COX10: variants seen among roughly 807,000 people sequenced by gnomAD.
The protein encoded by COX10 is cytochrome c oxidase assembly factor heme A:farnesyltransferase COX10, also known as protoheme IX farnesyltransferase, mitochondrial.
Under a neutral mutation model 37.3 loss-of-function variants are expected in COX10, and 27 were observed. The observed-to-expected ratio is 0.72, with a 90% CI of 0.53 to 1.00. The LOEUF (loss-of-function observed/expected upper bound fraction) is 1.00, where lower values mean the gene tolerates loss of function less well. COX10 is among the 50% of genes least tolerant of loss of function. COX10 has a pLI of 0.00. For missense variants in COX10, 475 were observed against 563.2 expected (o/e 0.84, Z 1.59); for synonymous variants, 222 against 229.1 (o/e 0.97, Z 0.28).
rs533936819 is a variant in COX10, at chr17:14,158,342, A to G, written c.625-1535A>G. 2.1e-4 allele frequency among the ~76,000 whole-genome samples: 32 copies of G among 151,948 alleles called. No homozygotes were observed. In the South Asian group the frequency reaches 2.3e-3, roughly 11 times the overall value. The stretch of plus-strand genomic sequence containing the variant: ...GGGAACACAACTTACCAGATGTCCC[A>G]AACTTATGGGGAAAAATTCTACATT... On this transcript the variant is annotated intron_variant, in intron 4 of 6. Transcript: ENST00000261643.
chr17:14,138,373 C>G (rs758150797), intron 4 of COX10, among the ~76,000 whole-genome samples: 5 of 152,146 alleles, frequency 3.3e-5, no homozygotes, highest in Admixed American at 6.6e-5. Context: ...GAAACTGTAT[C>G]TGGTACATTA....
At chr17:14,084,856 C>T (rs975423880) in intron 3 of COX10, among the ~76,000 whole-genome samples, 18 of 152,116 alleles carry the variant, frequency 1.2e-4, no homozygotes, top group East Asian at 5.8e-4. Context: ...GACGGGGTTT[C>T]GCCATGTTGG....
intron 1 of COX10, among the ~76,000 whole-genome samples, chr17:14,073,412 G>C (rs957869446): frequency 1.3e-5 from 2 of 152,130 alleles, no homozygotes; most frequent in African/African-American, 4.8e-5. Context: ...GTACAATAGG[G>C]AACAGAGTAG....
intron 6 of COX10, among the ~76,000 whole-genome samples, chr17:14,205,149 T>C (rs1020973671): frequency 6.6e-6 from 1 of 152,170 alleles, no homozygotes; most frequent in African/African-American, 2.4e-5. Context: ...CTTCCTTTTT[T>C]TTTAATCATG....
chr17:14,128,029 A>T (rs1362158770), intron 4 of COX10, among the ~76,000 whole-genome samples: 1 of 151,734 alleles, frequency 6.6e-6, no homozygotes, highest in Non-Finnish European at 1.5e-5. Flanking sequence ...TTTGTTGCAG[A>T]TGCTGCATAT....
intron 4 of COX10, among the ~76,000 whole-genome samples, chr17:14,150,837 G>C (rs534491297): frequency 6.6e-6 from 1 of 152,226 alleles, no homozygotes; most frequent in East Asian, 1.9e-4. Flanking sequence ...AGCTTGACCT[G>C]GACAGCTGCC....
chr17:14,077,112 A>G, intron 3 of COX10, 56 bp downstream of exon 3: 1 of 1,556,350 alleles, frequency 6.4e-7, no homozygotes, highest in Non-Finnish European at 8.8e-7. Flanking sequence ...TAGTGAAACA[A>G]AAAGCTAATT....
intron 4 of COX10, among the ~76,000 whole-genome samples, chr17:14,135,432 A>C (rs1172537656): frequency 1.3e-5 from 2 of 151,892 alleles, no homozygotes; most frequent in Non-Finnish European, 2.9e-5. Context: ...GTGTATAAAG[A>C]ATCACCTGGG....
chr17:14,191,979 C>CT lies in COX10; in HGVS notation c.696-5dup. 1 of 1,613,614 alleles carries CT rather than the reference C, an allele frequency of 6.2e-7. No individual in the cohort carries two copies. The highest frequency in any genetic ancestry group is 8.5e-7 in the Non-Finnish European group (1 of 1,179,602). On this transcript the variant is annotated splice_polypyrimidine_tract_variant and intron_variant, in intron 5 of 6. Coordinates refer to ENST00000261643, the MANE Select transcript of COX10 (RefSeq NM_001303.4). ...AGATGATCACTCCAGGTTCTCTGCT[C>CT]TTTTTCCAGCCCATTGCTAGCTGTG...
chr17:14,186,196 A>C (rs1906020657), intron 5 of COX10, among the ~76,000 whole-genome samples: 1 of 151,404 alleles, frequency 6.6e-6, no homozygotes, highest in Admixed American at 6.6e-5. Flanking sequence ...CTTCTAAAAA[A>C]GCAGATCTGA....
chr17:14,132,198 T>C (rs1916482743), intron 4 of COX10, among the ~76,000 whole-genome samples: 1 of 151,996 alleles, frequency 6.6e-6, no homozygotes, highest in Non-Finnish European at 1.5e-5. Flanking sequence ...GGTTTAAGTT[T>C]ACACCATTTT....
intron 5 of COX10, among the ~76,000 whole-genome samples, chr17:14,182,774 C>G (rs1905906321): frequency 6.6e-6 from 1 of 151,498 alleles, no homozygotes; most frequent in Non-Finnish European, 1.5e-5. Flanking sequence ...TTTGTCTAAA[C>G]TAATTACCTG....
At chr17:14,133,525 A>G (rs888693865) in intron 4 of COX10, among the ~76,000 whole-genome samples, 2 of 151,714 alleles carry the variant, frequency 1.3e-5, no homozygotes, top group Non-Finnish European at 3.0e-5. Flanking sequence ...AAATTAATTA[A>G]CAAACATGAT....
rs201635369 is a variant in COX10, at chr17:14,158,234, TA to T, written c.625-1633del. On this transcript the variant is annotated intron_variant, in intron 4 of 6. Coordinates refer to ENST00000261643, the MANE Select transcript of COX10 (RefSeq NM_001303.4). ...TGTGTTTAGGAATACTAAGACATCG[TA>T]AAAAAAAAATTAAAAGTAGGTAGTT... 1.1e-4 allele frequency among the ~76,000 whole-genome samples: 16 copies of T among 149,282 alleles called. No homozygotes were observed. In the East Asian group the frequency reaches 1.8e-3, roughly 16 times the overall value.
intron 4 of COX10, among the ~76,000 whole-genome samples, chr17:14,140,913 A>G (rs1455100486): frequency 6.6e-6 from 1 of 152,190 alleles, no homozygotes; most frequent in Non-Finnish European, 1.5e-5. Flanking sequence ...ATGATAAATG[A>G]TTAAGGAAAT....
chr17:14,118,694 G>A (rs1916166024), intron 4 of COX10, among the ~76,000 whole-genome samples: 1 of 152,052 alleles, frequency 6.6e-6, no homozygotes, highest in Admixed American at 6.6e-5. Flanking sequence ...TTTATAAAAT[G>A]CTACTTTTTT....
intron 5 of COX10, among the ~76,000 whole-genome samples, chr17:14,191,322 A>G (rs950656986): frequency 1.4e-5 from 2 of 147,762 alleles, no homozygotes; most frequent in Non-Finnish European, 3.0e-5. Context: ...TCCCGTGTGC[A>G]TAAGTCACGT....
rs74770049 is a variant in COX10 at position 14,162,070 on chromosome 17, T to C, written c.695+2123T>C. Among the ~76,000 whole-genome samples the C allele has an allele frequency of 8.7e-3, 1,324 of 152,270 alleles. 58 individuals carry two copies. In the East Asian group the frequency reaches 0.094, roughly 11 times the overall value. ...TATTGTTCCCTCTAAAAAAAGACTA[T>C]GATAAGTTAAGTGTATGAGGCTACC... On this transcript the variant is annotated intron_variant, in intron 5 of 6. Coordinates refer to ENST00000261643, the MANE Select transcript of COX10 (RefSeq NM_001303.4).
At position 14,078,379 on chromosome 17, in the gene COX10, G is replaced by C. The variant is rs111402322; in HGVS notation, c.499+1323G>C. Among the ~76,000 whole-genome samples the C allele has an allele frequency of 3.3e-3, 503 of 152,218 alleles. 5 individuals carry two copies. Among genetic ancestry groups the C allele is most frequent in the African/African-American group, 0.012 (479 of 41,546 alleles). On this transcript the variant is annotated intron_variant, in intron 3 of 6. Transcript: ENST00000261643. ...GGAGCTTCATGTGTGCCATCACTTA[G>C]CACATCCACCCTGCAGATTAGCTCT...
Sources: allele counts gnomAD v4.1 joint callset (sites outside exome capture counted in the v4.1 genomes callset), GRCh38; gene constraint gnomAD v4.1.1; transcripts MANE v1.5; gene names NCBI Gene and HGNC (gene_info 2026-07-23, HGNC 2026-07-21).